Variants in PDE4B observed in about 807,000 individuals in gnomAD.
The protein encoded by PDE4B is 3',5'-cyclic-AMP phosphodiesterase 4B.
In PDE4B, 20 loss-of-function variants were observed where a neutral mutation model predicts 82.2. The observed-to-expected ratio is 0.24, with a 90% CI of 0.17 to 0.35. PDE4B has a LOEUF of 0.35. PDE4B is among the 10% of genes least tolerant of loss of function. PDE4B has a pLI of 1.00. For missense variants in PDE4B, 655 were observed against 907.2 expected (o/e 0.72, Z 3.57); for synonymous variants, 320 against 318.9 (o/e 1.00, Z -0.04).
intron 3 of PDE4B, among the ~76,000 whole-genome samples, chr1:66,138,946 A>T (rs990590785): frequency 1.3e-5 from 2 of 152,192 alleles, no homozygotes; most frequent in Non-Finnish European, 2.9e-5. Flanking sequence ...CTTTTAGCTA[A>T]GGAAGCTCTT....
chr1:66,302,906 G>A (rs1397050899), intron 7 of PDE4B, among the ~76,000 whole-genome samples: 3 of 152,082 alleles, frequency 2.0e-5, no homozygotes, highest in African/African-American at 7.2e-5. Context: ...ACCTCTATCT[G>A]TGTGTAACTC....
chr1:65,976,237 C>A (rs1489198343), intron 3 of PDE4B, among the ~76,000 whole-genome samples: 2 of 152,192 alleles, frequency 1.3e-5, no homozygotes, highest in South Asian at 4.1e-4. Context: ...CATTATTTTG[C>A]AGCTTTAAGA....
chr1:66,309,537 C>A (rs1278848348), intron 7 of PDE4B, among the ~76,000 whole-genome samples: 5 of 152,246 alleles, frequency 3.3e-5, no homozygotes, highest in Admixed American at 3.3e-4. Context: ...CATTGCAGGT[C>A]AATGTGAAGG....
intron 1 of PDE4B, among the ~76,000 whole-genome samples, chr1:65,816,361 A>G (rs1260629796): frequency 6.6e-6 from 1 of 152,152 alleles, no homozygotes; most frequent in African/African-American, 2.4e-5. Context: ...GTGCAACTTA[A>G]AGCAAGGTTG....
chr1:65,984,217 A>T (rs1015907734), intron 3 of PDE4B, among the ~76,000 whole-genome samples: 9 of 152,234 alleles, frequency 5.9e-5, no homozygotes, highest in African/African-American at 2.2e-4. Context: ...GCTGAATAAA[A>T]ACTTGATCTT....
At chr1:66,360,501 A>C (rs565876632) in intron 9 of PDE4B, 1 of 152,364 alleles carries the variant, frequency 6.6e-6, no homozygotes, top group East Asian at 1.9e-4. Flanking sequence ...CAAATGGCAA[A>C]GTTGTCTTCC....
intron 1 of PDE4B, among the ~76,000 whole-genome samples, chr1:65,877,987 C>T (rs6677906): frequency 6.6e-6 from 1 of 151,866 alleles, no homozygotes; most frequent in African/African-American, 2.4e-5. Flanking sequence ...ATCTATTCAT[C>T]TGAGAAAGGT....
intron 1 of PDE4B, among the ~76,000 whole-genome samples, chr1:65,822,315 AT>A (rs1008871209): frequency 1.3e-5 from 2 of 151,910 alleles, no homozygotes; most frequent in East Asian, 1.9e-4. Flanking sequence ...GTTTTCGGTG[AT>A]TTTTTTTGGC....
intron 7 of PDE4B, among the ~76,000 whole-genome samples, chr1:66,315,148 G>A (rs1223421450): frequency 1.3e-5 from 2 of 152,140 alleles, no homozygotes; most frequent in Non-Finnish European, 2.9e-5. Context: ...ATCTCACAAG[G>A]TTGTTTTGAG....
chr1:66,291,649 G>A (rs1026719354), intron 7 of PDE4B, among the ~76,000 whole-genome samples: 1 of 152,108 alleles, frequency 6.6e-6, no homozygotes, highest in Non-Finnish European at 1.5e-5. Context: ...CAAGCCTGGT[G>A]ACCTATGTTA....
In PDE4B at chr1:66,089,015, T is replaced by G. The variant is rs149155917; in HGVS notation, c.282-158445T>G. Among the ~76,000 whole-genome samples, 874 of 152,178 alleles carry G rather than the reference T, an allele frequency of 5.7e-3. 6 individuals carry two copies. Among genetic ancestry groups the G allele is most frequent in the Middle Eastern group, 0.02 (6 of 294 alleles). On this transcript the variant is annotated intron_variant, in intron 3 of 16. Transcript: ENST00000341517. Reference sequence around the variant, plus strand: ...CACGTAGTGAGAATGAGAAATAAAATGTACTGCACTAAGCCACTGAGATTG... The same window carrying G: ...CACGTAGTGAGAATGAGAAATAAAAGGTACTGCACTAAGCCACTGAGATTG...
intron 3 of PDE4B, among the ~76,000 whole-genome samples, chr1:66,062,356 T>TA (rs1483098398): frequency 6.6e-6 from 1 of 152,028 alleles, no homozygotes; most frequent in Non-Finnish European, 1.5e-5. Context: ...ATGGAGGGTT[T>TA]ATAGGAGATT....
chr1:66,096,487 A>G (rs1237088568), intron 3 of PDE4B, among the ~76,000 whole-genome samples: 1 of 129,154 alleles, frequency 7.7e-6, no homozygotes, highest in African/African-American at 2.8e-5. Flanking sequence ...TCCTAATTAA[A>G]TGCGGTATAA....
At chr1:66,018,566 A>G (rs984297596) in intron 3 of PDE4B, among the ~76,000 whole-genome samples, 3 of 152,260 alleles carry the variant, frequency 2.0e-5, no homozygotes, top group African/African-American at 7.2e-5. Flanking sequence ...CAATTCCAAT[A>G]TGAGGTTAAT....
At chr1:66,338,942 C>A (rs1207515979) in intron 8 of PDE4B, among the ~76,000 whole-genome samples, 1 of 149,968 alleles carries the variant, frequency 6.7e-6, no homozygotes, top group Non-Finnish European at 1.5e-5. Flanking sequence ...TGGCGTGAAC[C>A]CGGGAGGCGG....
At chr1:66,062,337 G>T (rs887772690) in intron 3 of PDE4B, among the ~76,000 whole-genome samples, 3 of 151,996 alleles carry the variant, frequency 2.0e-5, no homozygotes, top group East Asian at 1.9e-4. Flanking sequence ...ACTTTATTTC[G>T]TTAGCATCAT....
At chr1:66,293,831 A>AT (rs1657291460) in intron 7 of PDE4B, among the ~76,000 whole-genome samples, 3 of 152,298 alleles carry the variant, frequency 2.0e-5, no homozygotes, top group South Asian at 4.1e-4. Flanking sequence ...TAGGTATGTG[A>AT]TTTTGTTGTT....
chr1:66,154,882 G>A (rs1190467158), intron 3 of PDE4B, among the ~76,000 whole-genome samples: 2 of 152,122 alleles, frequency 1.3e-5, no homozygotes, highest in South Asian at 2.1e-4. Flanking sequence ...CAAGTAATAG[G>A]ATGGGAACTA....
intron 1 of PDE4B, among the ~76,000 whole-genome samples, chr1:65,888,162 C>G (rs1197141862): frequency 6.6e-6 from 1 of 152,104 alleles, no homozygotes; most frequent in Non-Finnish European, 1.5e-5. Flanking sequence ...CATTCTTCTG[C>G]ATGTGGCGAC....
Sources: allele counts gnomAD v4.1 joint callset (sites outside exome capture counted in the v4.1 genomes callset), GRCh38; gene constraint gnomAD v4.1.1; transcripts MANE v1.5; gene names NCBI Gene and HGNC (gene_info 2026-07-23, HGNC 2026-07-21).